LUZP2: variants seen among roughly 807,000 people sequenced by gnomAD.
LUZP2 encodes the protein leucine zipper protein 2.
Under a neutral mutation model 51.6 loss-of-function variants are expected in LUZP2, and 52 were observed. The ratio of observed to expected loss-of-function variants is 1.01; its 90% CI spans 0.81 to 1.27. The LOEUF is 1.27. LUZP2 is among the 50% of genes most tolerant of loss of function. The pLI is 0.00. For missense variants in LUZP2, 436 were observed against 395.4 expected, an observed-to-expected ratio of 1.10 and a Z score of -0.87; for synonymous variants, 154 against 137.3, an observed-to-expected ratio of 1.12 and a Z score of -0.85.
At chr11:24,792,871 G>A (rs1341920382) in intron 5 of LUZP2, among the ~76,000 whole-genome samples, 1 of 152,146 alleles carries the variant, frequency 6.6e-6, no homozygotes, top group Non-Finnish European at 1.5e-5. Context: ...ATGTACACGA[G>A]CTGGAATGGA....
intron 4 of LUZP2, among the ~76,000 whole-genome samples, chr11:24,746,717 C>A (rs1859394791): frequency 6.6e-6 from 1 of 152,194 alleles, no homozygotes; most frequent in Non-Finnish European, 1.5e-5. Context: ...TCAGCATAAT[C>A]CCAGACTTCT....
intron 1 of LUZP2, among the ~76,000 whole-genome samples, chr11:24,696,626 G>T (rs1857254609): frequency 6.6e-6 from 1 of 151,828 alleles, no homozygotes; most frequent in South Asian, 2.1e-4. Context: ...CTCTGGTAGG[G>T]GATTGGAATA....
intron 4 of LUZP2, among the ~76,000 whole-genome samples, chr11:24,762,227 C>G (rs1860008307): frequency 6.6e-6 from 1 of 152,094 alleles, no homozygotes; most frequent in African/African-American, 2.4e-5. Context: ...TCAGAGATCA[C>G]CTGGATCGTG....
intron 5 of LUZP2, among the ~76,000 whole-genome samples, chr11:24,898,595 C>T (rs1339872405): frequency 6.6e-6 from 1 of 151,444 alleles, no homozygotes; most frequent in Non-Finnish European, 1.5e-5. Context: ...TGTACTCCAG[C>T]CTGTGCGACA....
intron 1 of LUZP2, among the ~76,000 whole-genome samples, chr11:24,692,410 A>G (rs1021213731): frequency 1.3e-5 from 2 of 152,114 alleles, no homozygotes; most frequent in Non-Finnish European, 2.9e-5. Context: ...AGGCTATTCT[A>G]AGAATATACG....
At chr11:24,626,208 G>C (rs909338057) in intron 1 of LUZP2, among the ~76,000 whole-genome samples, 4 of 152,078 alleles carry the variant, frequency 2.6e-5, no homozygotes, top group Non-Finnish European at 5.9e-5. Context: ...AGTGAGAAAA[G>C]CTGGGAATGA....
intron 1 of LUZP2, among the ~76,000 whole-genome samples, chr11:24,666,943 C>T (rs117547333): frequency 0.012 from 1,826 of 152,236 alleles, 16 homozygotes; most frequent in Middle Eastern, 0.024. Flanking sequence ...TCTCGTCTCT[C>T]TCCGTTATTC....
At chr11:24,655,487 G>A (rs765049787) in intron 1 of LUZP2, among the ~76,000 whole-genome samples, 2 of 152,010 alleles carry the variant, frequency 1.3e-5, no homozygotes, top group Non-Finnish European at 2.9e-5. Flanking sequence ...AACATTCAGA[G>A]GCTAGAGATC....
intron 10 of LUZP2, among the ~76,000 whole-genome samples, chr11:25,060,954 A>AT (rs1156693852): frequency 1.3e-5 from 2 of 152,078 alleles, no homozygotes; most frequent in Admixed American, 6.6e-5. Context: ...ATAGTAATCT[A>AT]TTTTTTGTTG....
chr11:24,688,305 A>G (rs1197735754), intron 1 of LUZP2, among the ~76,000 whole-genome samples: 1 of 152,216 alleles, frequency 6.6e-6, no homozygotes, highest in Non-Finnish European at 1.5e-5. Context: ...AAACAAATAC[A>G]GAGACATTAA....
At chr11:25,062,008 T>A (rs1210143472) in intron 10 of LUZP2, among the ~76,000 whole-genome samples, 1 of 146,280 alleles carries the variant, frequency 6.8e-6, no homozygotes, top group Non-Finnish European at 1.6e-5. Flanking sequence ...GCAGTTATTA[T>A]ACAGATGGAA....
intron 4 of LUZP2, among the ~76,000 whole-genome samples, chr11:24,744,029 G>A (rs984792913): frequency 6.6e-6 from 1 of 151,976 alleles, no homozygotes; most frequent in Admixed American, 6.6e-5. Context: ...ATTGACTTGT[G>A]TATGTTATAC....
chr11:24,882,795 A>AAGGGAAG (rs1852515512), intron 5 of LUZP2, among the ~76,000 whole-genome samples: 4 of 114,430 alleles, frequency 3.5e-5, no homozygotes, highest in Non-Finnish European at 5.8e-5. Context: ...AGAAAGGAAG[A>AAGGGAAG]AAGGAAGGAA....
chr11:24,945,036 C>T (rs1434982826), intron 7 of LUZP2, among the ~76,000 whole-genome samples: 3 of 152,056 alleles, frequency 2.0e-5, no homozygotes, highest in East Asian at 1.9e-4. Flanking sequence ...ATCTGTGCAG[C>T]GAAATTGTAA....
At chr11:24,976,733 T>G (rs920838365) in intron 8 of LUZP2, 68 bp downstream of exon 8, 57 of 711,626 alleles carry the variant, frequency 8.0e-5, no homozygotes, top group South Asian at 7.0e-4. Context: ...AAAAAAAAGT[T>G]AAAGTATGCT....
chr11:25,020,626 G>C (rs1205290316), intron 9 of LUZP2, among the ~76,000 whole-genome samples: 4 of 151,910 alleles, frequency 2.6e-5, no homozygotes, highest in Non-Finnish European at 5.9e-5. Context: ...GTTCAGTTTT[G>C]ATTCTACATT....
intron 1 of LUZP2, among the ~76,000 whole-genome samples, chr11:24,699,800 G>T (rs527834226): frequency 2.0e-5 from 3 of 148,956 alleles, no homozygotes; most frequent in Non-Finnish European, 4.4e-5. Context: ...GGAGTTAATA[G>T]AATAGAGATG....
chr11:24,553,907 G>A (rs1336461828), intron 1 of LUZP2, among the ~76,000 whole-genome samples: 23 of 152,124 alleles, frequency 1.5e-4, no homozygotes, highest in Admixed American at 1.5e-3. Flanking sequence ...GTTTCCTTGA[G>A]CTCTCTTGGG....
chr11:24,781,851 A>C (rs977204469), intron 5 of LUZP2, among the ~76,000 whole-genome samples: 2 of 152,032 alleles, frequency 1.3e-5, no homozygotes, highest in Non-Finnish European at 2.9e-5. Context: ...ATGATTTTGA[A>C]ACTTTAATAT....
Sources: allele counts gnomAD v4.1 joint callset (sites outside exome capture counted in the v4.1 genomes callset), GRCh38; gene constraint gnomAD v4.1.1; transcripts MANE v1.5; gene names NCBI Gene and HGNC (gene_info 2026-07-23, HGNC 2026-07-21).